Variants in DEFB129 observed in about 807,000 individuals in gnomAD.
The protein encoded by DEFB129 is defensin beta 129.
In DEFB129, 2 loss-of-function variants were observed where a neutral mutation model predicts 2.5. That is an observed-to-expected ratio of 0.80 (90% CI 0.33 to 2.53). The LOEUF (loss-of-function observed/expected upper bound fraction) is 2.53. DEFB129 is among the 30% of genes most tolerant of loss of function. The probability of loss-of-function intolerance (pLI) is 0.11; values close to 1 mark genes in which losing one functional copy is unlikely to be tolerated. For missense variants in DEFB129, 177 were observed against 216.9 expected (o/e 0.82, Z 1.16); for synonymous variants, 76 against 74.4 (o/e 1.02, Z -0.11).
chr20:229,587 C>A lies in DEFB129; in HGVS notation c.368C>A (p.Thr123Asn). Residue 123 changes from threonine to asparagine, a missense_variant, in exon 2 of 2, where the codon ACC becomes AAC. Transcript: ENST00000246105. ...NTNFVIIPNA[T>N]PMNSATISTM... ...AACTTTGTCATCATTCCAAATGCCA[C>A]CCCTATGAACTCTGCCACCATCAGC... 5.0e-6 allele frequency: 8 copies of A among 1,614,178 alleles called. No individual in the cohort carries two copies. The Middle Eastern group carries it at 6.6e-4, about 133-fold the overall frequency.
At chr20:227,843 C>T (rs1413984801) in intron 1 of DEFB129, among the ~76,000 whole-genome samples, 1 of 152,272 alleles carries the variant, frequency 6.6e-6, no homozygotes, top group East Asian at 1.9e-4. Context: ...CTGATGCTCT[C>T]CCTCCACCCA....
At position 229,686 on chromosome 20, in the gene DEFB129, C is replaced by T; in HGVS notation, c.467C>T (p.Ala156Val). The T allele has an allele frequency of 1.2e-6, 2 of 1,613,986 alleles. No homozygotes were observed. Among genetic ancestry groups the T allele is most frequent in the Non-Finnish European group, 1.7e-6 (2 of 1,180,010 alleles). ...KSNTKESRDS[A>V]TASPPPAPPP... ...AACACCAAAGAAAGCAGAGATTCTGCCACTGCCTCGCCACCACCAGCACCA... is the reference window on the plus strand; with the variant it reads ...AACACCAAAGAAAGCAGAGATTCTGTCACTGCCTCGCCACCACCAGCACCA... The change falls in exon 2 of 2, where the codon GCC becomes GTC. Residue 156 changes from alanine (A) to valine (V), a missense_variant. Transcript: ENST00000246105.
rs769898515 is a variant in DEFB129 at position 229,298 on chromosome 20, T to C, written c.79T>C (p.Cys27Arg). The C allele has an allele frequency of 6.3e-7, 1 of 1,588,916 alleles. No individual in the cohort carries two copies. ...TACAGAATTTATTGGCTTGAGACGCTGTTTAATGGGTTTGGGGAGATGCAG... is the reference window on the plus strand; with the variant it reads ...TACAGAATTTATTGGCTTGAGACGCCGTTTAATGGGTTTGGGGAGATGCAG... ...VNTEFIGLRR[C>R]LMGLGRCRDH... is the part of the protein sequence containing the mutation. The change falls in exon 2 of 2, where the codon TGT (cysteine) becomes CGT (arginine). Residue 27 changes from cysteine to arginine, a missense_variant. By Grantham distance (180) the Cys-to-Arg change is radical. Transcript: ENST00000246105.
At chr20:227,940 G>A (rs889756449) in intron 1 of DEFB129, among the ~76,000 whole-genome samples, 1 of 151,960 alleles carries the variant, frequency 6.6e-6, no homozygotes, top group African/African-American at 2.4e-5. Context: ...GTGTAGAAAG[G>A]AGGAAGTTCT....
chr20:229,681 T>C lies in DEFB129; in HGVS notation c.462T>C (p.Asp154=), dbSNP rs750737591. The C allele has an allele frequency of 6.2e-7, 1 of 1,614,094 alleles. No individual in the cohort carries two copies. The highest frequency in any genetic ancestry group is 2.2e-5 in the East Asian group (1 of 44,890). Residue 154 remains aspartate, a synonymous_variant, in exon 2 of 2, where the codon GAT becomes GAC. Coordinates refer to ENST00000246105, the MANE Select transcript of DEFB129 (RefSeq NM_080831.4). ...STKSNTKESR[D]SATASPPPAP... ...AGAGTAACACCAAAGAAAGCAGAGATTCTGCCACTGCCTCGCCACCACCAG... is the reference window on the plus strand; with the variant it reads ...AGAGTAACACCAAAGAAAGCAGAGACTCTGCCACTGCCTCGCCACCACCAG...
In DEFB129 at chr20:229,624, A is replaced by G; in HGVS notation, c.405A>G (p.Pro135=). Residue 135 remains proline (P), a synonymous_variant, in exon 2 of 2, where the codon CCA becomes CCG. Transcript: ENST00000246105. ...CTGCCACCATCAGCACTATGACCCC[A>G]GGACAGATCACATACACTGCTACTT... The part of the protein sequence containing the change: ...MNSATISTMT[P]GQITYTATST... 1 of 1,614,162 alleles carries G rather than the reference A, an allele frequency of 6.2e-7. No individual in the cohort carries two copies. Among genetic ancestry groups the G allele is most frequent in the Non-Finnish European group, 8.5e-7 (1 of 1,180,036 alleles).
intron 1 of DEFB129, among the ~76,000 whole-genome samples, chr20:228,474 C>T (rs777246294): frequency 6.6e-6 from 1 of 152,058 alleles, no homozygotes; most frequent in Non-Finnish European, 1.5e-5. Context: ...GAAATGTATG[C>T]AAATATGCTT....
Position 229,853 on chromosome 20 carries a change from C to T in DEFB129, c.*82C>T, listed in dbSNP as rs1256731431. 6.7e-7 allele frequency: 1 copy of T among 1,491,006 alleles called. No homozygotes were observed. The highest frequency in any genetic ancestry group is 8.9e-7 in the Non-Finnish European group (1 of 1,123,792). 92.4% of individuals were successfully genotyped at this position (1,491,006 alleles called of 1,614,324 possible). A position where few individuals can be genotyped will look rare whatever the true frequency, so the allele number is the denominator to read the frequency against. On this transcript the variant is annotated 3_prime_UTR_variant, in exon 2 of 2. Coordinates refer to ENST00000246105, the MANE Select transcript of DEFB129 (RefSeq NM_080831.4). The stretch of plus-strand genomic sequence containing the variant: ...GACATAGAACTGTTTCCTCTGTCAT[C>T]AGTCATTCAATAAACACTGTTTGAG...
chr20:228,717 T>C (rs1370343260), intron 1 of DEFB129, among the ~76,000 whole-genome samples: 5 of 152,144 alleles, frequency 3.3e-5, no homozygotes, highest in Non-Finnish European at 7.3e-5. Flanking sequence ...GCTAGGATAA[T>C]GAATGAGACT....
chr20:228,464 GA>G (rs1270024029), intron 1 of DEFB129, among the ~76,000 whole-genome samples: 9 of 152,156 alleles, frequency 5.9e-5, no homozygotes, highest in African/African-American at 1.9e-4. Context: ...AAACAATGTG[GA>G]AATGTATGCA....
chr20:229,292 A>C lies in DEFB129; in HGVS notation c.73A>C (p.Arg25=), dbSNP rs114202876. 6,841 of 1,584,432 alleles carry C rather than the reference A, an allele frequency of 4.3e-3. 248 individuals are homozygous for C. The African/African-American group carries it at 0.081, about 19-fold the overall frequency. The change falls in exon 2 of 2, where the codon AGA becomes CGA. Residue 25 remains arginine (R), a synonymous_variant. Transcript: ENST00000246105. ...YQVNTEFIGL[R]RCLMGLGRCR... is the part of the protein sequence containing the mutation. ...TTTTTATACAGAATTTATTGGCTTG[A>C]GACGCTGTTTAATGGGTTTGGGGAG...
intron 1 of DEFB129, among the ~76,000 whole-genome samples, chr20:228,036 C>A (rs1040586924): frequency 6.6e-6 from 1 of 152,168 alleles, no homozygotes; most frequent in Non-Finnish European, 1.5e-5. Context: ...TTTTCCAGAG[C>A]CTTTATCGCT....
chr20:229,064 G>A (rs2011310028), intron 1 of DEFB129, among the ~76,000 whole-genome samples: 1 of 152,132 alleles, frequency 6.6e-6, no homozygotes, highest in African/African-American at 2.4e-5. Flanking sequence ...AGTTACTCAA[G>A]GAAGGCAGAC....
In DEFB129 at chr20:227,355, G is replaced by A. The variant is rs755664796; in HGVS notation, c.58+9G>A. ...GTACCAGGTGAACACAGGTAATGTG[G>A]ATTCCCAAGTTTAAGATGGGTAGAT... On this transcript the variant is annotated intron_variant, in intron 1 of 1. Coordinates refer to ENST00000246105, the MANE Select transcript of DEFB129 (RefSeq NM_080831.4). 6.8e-6 allele frequency: 11 copies of A among 1,613,986 alleles called. No homozygotes were observed. Among genetic ancestry groups the A allele is most frequent in the Non-Finnish European group, 9.3e-6 (11 of 1,179,960 alleles).
At chr20:227,692 C>A (rs73600381) in intron 1 of DEFB129, among the ~76,000 whole-genome samples, 14,255 of 148,616 alleles carry the variant, frequency 0.096, 715 homozygotes, top group East Asian at 0.2. Flanking sequence ...ATCTTAAAAG[C>A]CCTTTTTTTT....
chr20:229,571 A>G lies in DEFB129; in HGVS notation c.352A>G (p.Ile118Val), dbSNP rs2011317868. The change falls in exon 2 of 2, where the codon ATC becomes GTC. Residue 118 changes from isoleucine (I) to valine (V), a missense_variant. Ile to Val is a conservative substitution (Grantham distance 29). Transcript: ENST00000246105. ...CTTTTTTGCTAATACCAACTTTGTCATCATTCCAAATGCCACCCCTATGAA... is the reference window on the plus strand; with the variant it reads ...CTTTTTTGCTAATACCAACTTTGTCGTCATTCCAAATGCCACCCCTATGAA... ...TSFFANTNFV[I>V]IPNATPMNSA... 1 of 1,614,184 alleles carries G rather than the reference A, an allele frequency of 6.2e-7. No homozygotes were observed. Among genetic ancestry groups the G allele is most frequent in the Non-Finnish European group, 8.5e-7 (1 of 1,180,038 alleles).
chr20:229,516 A>G lies in DEFB129; in HGVS notation c.297A>G (p.Leu99=). The part of the protein sequence containing the change: ...SSAVIQRKHI[L]SVLPQIKSTS... The stretch of plus-strand genomic sequence containing the variant: ...CTGTGATACAAAGAAAACATATTTT[A>G]TCTGTTCTCCCCCAAATCAAAAGCA... Residue 99 remains leucine, a synonymous_variant, in exon 2 of 2, where the codon TTA becomes TTG. Transcript: ENST00000246105. The G allele has an allele frequency of 6.2e-7, 1 of 1,614,188 alleles. No individual in the cohort carries two copies. The highest frequency in any genetic ancestry group is 1.1e-5 in the South Asian group (1 of 91,082).
At chr20:229,162 G>A (rs1600168587) in intron 1 of DEFB129, 116 bp from the exon 2 acceptor site, 4 of 1,353,250 alleles carry the variant, frequency 3.0e-6, no homozygotes, top group East Asian at 4.7e-5. Flanking sequence ...CTAAACACTG[G>A]GCTTAAAATG....
Position 229,795 on chromosome 20 carries a change from C to T in DEFB129, c.*24C>T, listed in dbSNP as rs766610086. 1 of 1,585,708 alleles carries T rather than the reference C, an allele frequency of 6.3e-7. No individual in the cohort carries two copies. The highest frequency in any genetic ancestry group is 8.5e-7 in the Non-Finnish European group (1 of 1,171,270). ...AATGTGGATCTTTCCCTTAAAACTC[C>T]AAGTTCCTCTCTATTTTTGCTATCT... is the stretch of plus-strand genomic sequence containing the variant. On this transcript the variant is annotated 3_prime_UTR_variant, in exon 2 of 2. Transcript: ENST00000246105.
Sources: gnomAD v4.1 joint callset for allele counts (sites outside exome capture counted in the v4.1 genomes callset) on GRCh38, gnomAD v4.1.1 for gene constraint, MANE v1.5 for transcripts, NCBI Gene and HGNC (gene_info 2026-07-23, HGNC 2026-07-21) for gene names.